H2BC5: variants seen among roughly 807,000 people sequenced by gnomAD.
H2BC5 encodes the protein histone H2B type 1-D.
Under a neutral mutation model 5.7 loss-of-function variants are expected in H2BC5, and 9 were observed. The ratio of observed to expected loss-of-function variants is 1.57; its 90% CI spans 0.95 to 2.74. H2BC5 has a LOEUF of 2.74. Ranked by LOEUF, H2BC5 falls within the 30% of genes most tolerant of loss-of-function variation. The pLI is 0.00. For synonymous variants in H2BC5, 133 were observed against 70.9 expected (o/e 1.88, Z -4.40); for missense variants, 175 against 168.8 (o/e 1.04, Z -0.20).
chr6:26,158,453 T>G lies in H2BC5; in HGVS notation c.284T>G (p.Ile95Ser), dbSNP rs1316344121. 3.7e-6 allele frequency: 6 copies of G among 1,614,200 alleles called. No individual in the cohort carries two copies. The highest frequency in any genetic ancestry group is 5.1e-6 in the Non-Finnish European group (6 of 1,180,044). ...CGCTCGACCATCACCTCCAGGGAGA[T>G]CCAGACGGCCGTGCGCCTGCTGCTT... ...NKRSTITSREIQTAVRLLLPG... is the reference protein window; with the variant it reads ...NKRSTITSRESQTAVRLLLPG... Residue 95 changes from isoleucine (I) to serine (S), a missense_variant, in exon 1 of 1, where the codon ATC becomes AGC. Ile to Ser is a moderately radical substitution (Grantham distance 142, BLOSUM62 -2). Coordinates refer to ENST00000377777, the MANE Select transcript of H2BC5 (RefSeq NM_021063.4).
At chr6:26,159,250 T>G (rs1264984194), downstream of H2BC5, among the ~76,000 whole-genome samples, 3 of 137,936 alleles carry the variant, frequency 2.2e-5, no homozygotes, top group East Asian at 4.2e-4. Context: ...TAGGTTTTTT[T>G]TTTTTTTTTT....
Position 26,158,184 on chromosome 6 carries a change from C to T in H2BC5, c.15C>T (p.Thr5=), listed in dbSNP as rs140184909. Residue 5 remains threonine, a synonymous_variant, in exon 1 of 1, where the codon ACC becomes ACT. Coordinates refer to ENST00000377777, the MANE Select transcript of H2BC5 (RefSeq NM_021063.4). The part of the protein sequence containing the change: MPEP[T]KSAPAPKKGS... ...TTAACGCTACGATGCCTGAACCTAC[C>T]AAGTCTGCTCCTGCCCCAAAGAAGG... 1.9e-6 allele frequency: 3 copies of T among 1,613,974 alleles called. No homozygotes were observed. The highest frequency in any genetic ancestry group is 2.2e-5 in the East Asian group (1 of 44,892).
At position 26,165,947 on chromosome 6, in the gene H2BC5, A is replaced by G. The variant is rs143386248; in HGVS notation, c.*10-5028A>G. Among the ~76,000 whole-genome samples the G allele has an allele frequency of 5.0e-3, 758 of 152,352 alleles. 6 individuals carry two copies. Among genetic ancestry groups the G allele is most frequent in the African/African-American group, 0.017 (704 of 41,576 alleles). On this transcript the variant is annotated intron_variant, in intron 1 of 1. Transcript: ENST00000289316. The stretch of plus-strand genomic sequence containing the variant: ...CACTGACTGGGTTGGGCTGTGAATG[A>G]CAATGGAATGGCTGAAGTCTGCTGT...
downstream of H2BC5, among the ~76,000 whole-genome samples, chr6:26,162,427 C>A (rs1253526467): frequency 6.6e-6 from 1 of 152,168 alleles, no homozygotes; most frequent in Non-Finnish European, 1.5e-5. Flanking sequence ...TTGTCTTTTT[C>A]CTCCTGTTCA....
At chr6:26,167,942 C>T (rs1475414925) in intron 1 of H2BC5, among the ~76,000 whole-genome samples, 10 of 150,998 alleles carry the variant, frequency 6.6e-5, no homozygotes, top group Admixed American at 5.3e-4. Context: ...ATGTGCACAA[C>T]GTGCAGGTTT....
At position 26,158,450 on chromosome 6, in the gene H2BC5, A is replaced by C; in HGVS notation, c.281A>C (p.Glu94Ala). Reference sequence around the variant, plus strand: ...AAGCGCTCGACCATCACCTCCAGGGAGATCCAGACGGCCGTGCGCCTGCTG... The same window carrying C: ...AAGCGCTCGACCATCACCTCCAGGGCGATCCAGACGGCCGTGCGCCTGCTG... ...YNKRSTITSR[E>A]IQTAVRLLLP... is the part of the protein sequence containing the mutation. The change falls in exon 1 of 1, where the codon GAG becomes GCG. Residue 94 changes from glutamate (E) to alanine (A), a missense_variant. By Grantham distance (107) the Glu-to-Ala change is moderately radical. Transcript: ENST00000377777. 6.2e-7 allele frequency: 1 copy of C among 1,614,236 alleles called. No homozygotes were observed. The highest frequency in any genetic ancestry group is 8.5e-7 in the Non-Finnish European group (1 of 1,180,038).
At chr6:26,163,159 G>A (rs1434545471), downstream of H2BC5, 1 of 151,406 alleles carries the variant, frequency 6.6e-6, no homozygotes, top group Non-Finnish European at 1.5e-5. Context: ...TGTCACCCAG[G>A]CTGGAGTGCA....
At chr6:26,160,417 G>T (rs1479240715), downstream of H2BC5, among the ~76,000 whole-genome samples, 2 of 151,452 alleles carry the variant, frequency 1.3e-5, no homozygotes, top group Middle Eastern at 3.2e-3. Flanking sequence ...AACAGACAAT[G>T]GGAGCTGGGC....
At chr6:26,165,712 A>G (rs541705346) in intron 1 of H2BC5, among the ~76,000 whole-genome samples, 12 of 152,248 alleles carry the variant, frequency 7.9e-5, no homozygotes, top group South Asian at 2.1e-4. Flanking sequence ...TCTCTCTTAA[A>G]AAGTGGAGAA....
At chr6:26,166,423 ATTCCTTCT>A (rs1406945558) in intron 1 of H2BC5, among the ~76,000 whole-genome samples, 2 of 151,888 alleles carry the variant, frequency 1.3e-5, no homozygotes, top group Non-Finnish European at 2.9e-5. Context: ...CCTTCCCTTT[ATTCCTTCT>A]TTCCTTCAGG....
At chr6:26,158,698 A>G (rs1018376079), downstream of H2BC5, 3 of 1,261,140 alleles carry the variant, frequency 2.4e-6, no homozygotes, top group African/African-American at 4.5e-5. Flanking sequence ...TTACGTTAGT[A>G]CTGCAGAGGA....
intron 1 of H2BC5, chr6:26,164,178 G>T (rs957513957): frequency 6.7e-6 from 3 of 448,328 alleles, no homozygotes; most frequent in Non-Finnish European, 1.4e-5. Flanking sequence ...GTGGTAGCAG[G>T]AGGTGGCAGG....
chr6:26,158,842 T>C (rs1045457644), downstream of H2BC5, among the ~76,000 whole-genome samples: 1 of 152,212 alleles, frequency 6.6e-6, no homozygotes, highest in Non-Finnish European at 1.5e-5. Context: ...TACAGCTCTT[T>C]GGTTTCCGTG....
chr6:26,158,699 C>A, downstream of H2BC5: 1 of 1,260,538 alleles, frequency 7.9e-7, no homozygotes, highest in Non-Finnish European at 1.1e-6. Context: ...TACGTTAGTA[C>A]TGCAGAGGAA....
intron 1 of H2BC5, among the ~76,000 whole-genome samples, chr6:26,165,912 C>G (rs1478382825): frequency 6.6e-6 from 1 of 152,218 alleles, no homozygotes; most frequent in Non-Finnish European, 1.5e-5. Context: ...CCTGACTTCT[C>G]TTCTTCAGCC....
downstream of H2BC5, among the ~76,000 whole-genome samples, chr6:26,159,240 T>C (rs549195452): frequency 1.1e-4 from 15 of 136,210 alleles, no homozygotes; most frequent in East Asian, 3.2e-3. Flanking sequence ...ATTTAATTTA[T>C]AGGTTTTTTT....
At chr6:26,159,150 A>G (rs1277498075), downstream of H2BC5, among the ~76,000 whole-genome samples, 1 of 150,628 alleles carries the variant, frequency 6.6e-6, no homozygotes, top group African/African-American at 2.4e-5. Flanking sequence ...GGCGGATCCT[A>G]GGCGCTGAGG....
rs748726824 is a variant in H2BC5 at position 26,158,551 on chromosome 6, CTT to C, written c.*3_*4del. On this transcript the variant is annotated 3_prime_UTR_variant, in exon 1 of 1. Transcript: ENST00000377777. ...CACCAAGTACACCAGTTCCAAGTAA[CTT>C]TGCCAAGTAAGCATCTTTACACCTA... 1.0e-4 allele frequency: 163 copies of C among 1,613,984 alleles called. 2 individuals carry two copies. The Middle Eastern group carries it at 2.1e-3, about 21-fold the overall frequency.
chr6:26,165,696 G>A (rs1238712257), intron 1 of H2BC5, among the ~76,000 whole-genome samples: 1 of 152,110 alleles, frequency 6.6e-6, no homozygotes, highest in African/African-American at 2.4e-5. Context: ...CGTCAAGGAG[G>A]CTCTGTCTCT....
Sources: allele counts gnomAD v4.1 joint callset (sites outside exome capture counted in the v4.1 genomes callset), GRCh38; gene constraint gnomAD v4.1.1; transcripts MANE v1.5; gene names NCBI Gene and HGNC (gene_info 2026-07-23, HGNC 2026-07-21).